The following DNAH14 variants were observed in gnomAD, a reference collection of about 807,000 sequenced individuals.
DNAH14 encodes the protein dynein axonemal heavy chain 14.
DNAH14 carries 478 observed loss-of-function variants against 520.9 expected under a neutral mutation model. The observed-to-expected ratio is 0.92, with a 90% CI of 0.85 to 0.99. The LOEUF (loss-of-function observed/expected upper bound fraction) is 0.99. Ranked by LOEUF, DNAH14 falls within the 50% of genes least tolerant of loss-of-function variation. DNAH14 has a pLI of 0.00. For missense variants in DNAH14, 4,831 were observed against 5,234.5 expected, an observed-to-expected ratio of 0.92 and a Z score of 2.38; for synonymous variants, 1,581 against 1,757.2, an observed-to-expected ratio of 0.90 and a Z score of 2.51.
At chr1:225,036,800 G>A (rs1290629052) in intron 11 of DNAH14, among the ~76,000 whole-genome samples, 1 of 152,120 alleles carries the variant, frequency 6.6e-6, no homozygotes, top group Non-Finnish European at 1.5e-5. Context: ...TCCTTGAAAT[G>A]CATAAGGCTA....
chr1:225,028,368 T>C (rs2066288066), intron 11 of DNAH14, among the ~76,000 whole-genome samples: 1 of 152,096 alleles, frequency 6.6e-6, no homozygotes, highest in Non-Finnish European at 1.5e-5. Flanking sequence ...ATTTATGTCT[T>C]TCTAGGATTT....
At position 225,389,734 on chromosome 1, in the gene DNAH14, G is replaced by A. The variant is rs2095881771; in HGVS notation, c.13191G>A (p.Arg4397=). ...CAACCTGTGGTCTGCCTTCCACTAG[G>A]TATATGAGATTTGTCACAGTTTGGA... ...AKVAYTAIQR[R]YMRFVTVWKQ... Residue 4397 remains arginine (R), a splice_region_variant and synonymous_variant, in exon 83 of 86, where the codon CGG becomes CGA. Coordinates refer to ENST00000682510, the MANE Select transcript of DNAH14 (RefSeq NM_001367479.1). 1 of 1,552,044 alleles carries A rather than the reference G, an allele frequency of 6.4e-7. No homozygotes were observed. The highest frequency in any genetic ancestry group is 2.0e-5 in the Admixed American group (1 of 50,986).
intron 35 of DNAH14, 66 bp from the exon 36 acceptor site, chr1:225,167,873 G>A: frequency 1.1e-6 from 1 of 916,724 alleles, no homozygotes; most frequent in Non-Finnish European, 1.6e-6. Context: ...GAGAGATTTT[G>A]GAAGATAAAA....
Position 225,051,767 on chromosome 1 carries a change from T to C in DNAH14, c.2396T>C (p.Ile799Thr), listed in dbSNP as rs1464416361. 1 of 1,500,208 alleles carries C rather than the reference T, an allele frequency of 6.7e-7. No individual in the cohort carries two copies. The highest frequency in any genetic ancestry group is 2.5e-5 in the Admixed American group (1 of 39,280). 92.9% of individuals were successfully genotyped at this position (1,500,208 alleles called of 1,614,324 possible). The change falls in exon 17 of 86, where the codon ATT (isoleucine) becomes ACT (threonine). Residue 799 changes from isoleucine (I) to threonine (T), a missense_variant. Transcript: ENST00000682510. Reference protein sequence around the residue: ...HMSHTLIQSVIEKKNKNLLEV... With the variant: ...HMSHTLIQSVTEKKNKNLLEV... ...AGCCACACCCTCATACAATCTGTAA[T>C]TGAAAAAAAGAACAAAAATTTATTG...
At position 225,361,239 on chromosome 1, in the gene DNAH14, A is replaced by C. The variant is rs184702967; in HGVS notation, c.11987+348A>C. Among the ~76,000 whole-genome samples, 598 of 152,366 alleles carry C rather than the reference A, an allele frequency of 3.9e-3. 4 individuals are homozygous for C. The highest frequency in any genetic ancestry group is 0.014 in the African/African-American group (574 of 41,584). ...TTTAATATTCGATGTGATTCCAAAC[A>C]GCAGAGCATAATACCTCATATCTAT... On this transcript the variant is annotated intron_variant, in intron 75 of 85. Coordinates refer to ENST00000682510, the MANE Select transcript of DNAH14 (RefSeq NM_001367479.1).
chr1:225,042,739 A>T (rs2067595448), intron 12 of DNAH14, 96 bp from the exon 13 acceptor site: 1 of 1,330,282 alleles, frequency 7.5e-7, no homozygotes, highest in Admixed American at 2.7e-5. Flanking sequence ...TACTGGAGTT[A>T]TGATTTCTCA....
chr1:225,071,472 G>A (rs2071535218), intron 17 of DNAH14, among the ~76,000 whole-genome samples: 1 of 152,098 alleles, frequency 6.6e-6, no homozygotes, highest in Non-Finnish European at 1.5e-5. Flanking sequence ...ATTCTGGGTT[G>A]GAACTTTTTT....
chr1:225,335,347 GTA>G lies in DNAH14; in HGVS notation c.10080+1845_10080+1846del, dbSNP rs774868579. Among the ~76,000 whole-genome samples, 57 of 71,846 alleles carry G rather than the reference GTA, an allele frequency of 7.9e-4. 2 individuals carry two copies. The highest frequency in any genetic ancestry group is 2.0e-3 in the African/African-American group (30 of 15,280). 47.1% of individuals were successfully genotyped at this position (71,846 alleles called of 152,430 possible). On this transcript the variant is annotated intron_variant, in intron 66 of 85. Coordinates refer to ENST00000682510, the MANE Select transcript of DNAH14 (RefSeq NM_001367479.1). ...CATATACACGTGTGTACATGTGTGT[GTA>G]TATGCATATACACGTGTACATGTGT... is the stretch of plus-strand genomic sequence containing the variant.
At chr1:225,126,622 C>T (rs150230328) in intron 27 of DNAH14, among the ~76,000 whole-genome samples, 4,524 of 151,932 alleles carry the variant, frequency 0.03, 84 homozygotes, top group East Asian at 0.061. Flanking sequence ...GTCTTGCTAG[C>T]GGTCTATCAA....
intron 22 of DNAH14, among the ~76,000 whole-genome samples, chr1:225,098,362 G>A (rs1343752910): frequency 6.6e-6 from 1 of 152,186 alleles, no homozygotes; most frequent in Admixed American, 6.5e-5. Flanking sequence ...TGCTCAAGTT[G>A]AGACAAATAA....
chr1:225,298,703 C>A lies in DNAH14; in HGVS notation c.8470-2166C>A, dbSNP rs544429208. ...GGTGCCATGCTGCTGTAGCTTGGCT[C>A]ACAGCAGGAGTGAGGGTGGGTGGGA... On this transcript the variant is annotated intron_variant, in intron 55 of 85. Transcript: ENST00000682510. Among the ~76,000 whole-genome samples the A allele has an allele frequency of 1.2e-4, 18 of 152,260 alleles. No individual in the cohort carries two copies. The South Asian group carries it at 3.7e-3, about 32-fold the overall frequency.
chr1:225,067,064 AT>A (rs1256267560), intron 17 of DNAH14, among the ~76,000 whole-genome samples: 1 of 152,084 alleles, frequency 6.6e-6, no homozygotes, highest in East Asian at 1.9e-4. Context: ...TATATGGATT[AT>A]TTCATCAGCC....
At chr1:225,170,195 G>A (rs982641864) in intron 36 of DNAH14, among the ~76,000 whole-genome samples, 1 of 152,166 alleles carries the variant, frequency 6.6e-6, no homozygotes, top group East Asian at 1.9e-4. Context: ...TTGAGGCTAG[G>A]AAGAAACTGC....
Position 225,377,311 on chromosome 1 carries a change from C to A in DNAH14, c.12591C>A (p.Asp4197Glu). ...IHIIQSLPDD[D>E]LPEVLGIHPE... ...TTATCCAGTCCTTACCTGATGATGA[C>A]CTTCCCGAGGTCTTAGGAATACACC... Residue 4197 changes from aspartate to glutamate, a missense_variant, in exon 79 of 86, where the codon GAC (aspartate) becomes GAA (glutamate). By Grantham distance (45) the Asp-to-Glu change is conservative (BLOSUM62 2). Coordinates refer to ENST00000682510, the MANE Select transcript of DNAH14 (RefSeq NM_001367479.1). 6.5e-7 allele frequency: 1 copy of A among 1,550,148 alleles called. No individual in the cohort carries two copies. Among genetic ancestry groups the A allele is most frequent in the Non-Finnish European group, 8.7e-7 (1 of 1,146,280 alleles).
At chr1:225,387,584 A>C (rs1387504512) in intron 81 of DNAH14, among the ~76,000 whole-genome samples, 1 of 152,124 alleles carries the variant, frequency 6.6e-6, no homozygotes, top group African/African-American at 2.4e-5. Flanking sequence ...CCAATGAATG[A>C]GACCTAAAAA....
intron 9 of DNAH14, among the ~76,000 whole-genome samples, chr1:225,003,132 GCCTAA>G: frequency 6.6e-6 from 1 of 152,014 alleles, no homozygotes; most frequent in East Asian, 1.9e-4. Flanking sequence ...TCTTCCTTAT[GCCTAA>G]CCTAAGTCTA....
At chr1:225,131,430 C>T (rs1278828054) in intron 27 of DNAH14, among the ~76,000 whole-genome samples, 1 of 152,156 alleles carries the variant, frequency 6.6e-6, no homozygotes, top group Non-Finnish European at 1.5e-5. Flanking sequence ...CCCATTCCTC[C>T]ATTTTCAAAG....
At chr1:225,131,971 A>C (rs1016018869) in intron 27 of DNAH14, among the ~76,000 whole-genome samples, 1 of 152,100 alleles carries the variant, frequency 6.6e-6, no homozygotes. Flanking sequence ...AGAAATTTAT[A>C]AGAGTTTCCA....
intron 23 of DNAH14, among the ~76,000 whole-genome samples, chr1:225,103,928 T>TTGAATAGGAGTGGTACGAGAGGGCA (rs2075769437): frequency 4.6e-5 from 7 of 151,218 alleles, no homozygotes; most frequent in Middle Eastern, 3.4e-3. Flanking sequence ...CAACACTATG[T>TTGAATAGGAGTGGTACGAGAGGGCA]TGAATAGGAG....
Sources: gnomAD v4.1 joint callset for allele counts (sites outside exome capture counted in the v4.1 genomes callset) on GRCh38, gnomAD v4.1.1 for gene constraint, MANE v1.5 for transcripts, NCBI Gene and HGNC (gene_info 2026-07-23, HGNC 2026-07-21) for gene names.